GLCCI1: variants seen among roughly 807,000 people sequenced by gnomAD.
GLCCI1 encodes glucocorticoid induced 1.
Under a neutral mutation model 52.2 loss-of-function variants are expected in GLCCI1, and 24 were observed. That is an observed-to-expected ratio of 0.46 (90% CI 0.33 to 0.65). The LOEUF is 0.65. Among genes scored for constraint, GLCCI1 ranks in the 30% least tolerant of loss-of-function variants. The pLI, the probability that GLCCI1 is intolerant of heterozygous loss-of-function variation, is 0.02. For synonymous variants in GLCCI1, 310 were observed against 276.5 expected (o/e 1.12, Z -1.20); for missense variants, 704 against 701.5 (o/e 1.00, Z -0.04).
Position 8,085,028 on chromosome 7 carries a change from T to A in GLCCI1, c.1298+11T>A. On this transcript the variant is annotated intron_variant, in intron 7 of 7. Coordinates refer to ENST00000223145, the MANE Select transcript of GLCCI1 (RefSeq NM_138426.4). Reference sequence around the variant, plus strand: ...CTTTGAGGAAATGGCGTAAGTAATGTCTTTTTTGTCAGCTGGGATCTGCAA... The same window carrying A: ...CTTTGAGGAAATGGCGTAAGTAATGACTTTTTTGTCAGCTGGGATCTGCAA... 6.2e-7 allele frequency: 1 copy of A among 1,613,444 alleles called. No individual in the cohort carries two copies. Among genetic ancestry groups the A allele is most frequent in the Non-Finnish European group, 8.5e-7 (1 of 1,179,800 alleles).
intron 3 of GLCCI1, among the ~76,000 whole-genome samples, chr7:8,030,879 G>A (rs1781732951): frequency 6.6e-6 from 1 of 152,054 alleles, no homozygotes; most frequent in South Asian, 2.1e-4. Flanking sequence ...CAAAAGTCAG[G>A]CAATAACAGA....
In GLCCI1 at chr7:7,997,926, CAAATAAATAAATAAAT is replaced by C. The variant is rs55772533; in HGVS notation, c.458-5946_458-5931del. 7.3e-3 allele frequency among the ~76,000 whole-genome samples: 1,010 copies of C among 139,258 alleles called. 9 individuals carry two copies. The highest frequency in any genetic ancestry group is 0.013 in the South Asian group (55 of 4,148). The allele number at this position is 139,258 out of a possible 152,430, so 91.4% of individuals were successfully genotyped here. On this transcript the variant is annotated intron_variant, in intron 1 of 7. Coordinates refer to ENST00000223145, the MANE Select transcript of GLCCI1 (RefSeq NM_138426.4). ...TGGGTGACAGAGTGAGACTCTGTCT[CAAATAAATAAATAAAT>C]AAATAAATAAATAAATAAATAAATA...
chr7:8,008,123 G>A (rs73242054), intron 2 of GLCCI1, among the ~76,000 whole-genome samples: 12,451 of 151,940 alleles, frequency 0.082, 1,415 homozygotes, highest in African/African-American at 0.25. Flanking sequence ...CAATTTTCAA[G>A]TATACCATAT....
At chr7:8,078,598 T>A (rs949060256) in intron 6 of GLCCI1, 6 of 152,236 alleles carry the variant, frequency 3.9e-5, no homozygotes, top group African/African-American at 1.4e-4. Context: ...GCTCTATTTT[T>A]TCCTACATGT....
At chr7:8,025,818 GA>G (rs1266753564) in intron 3 of GLCCI1, among the ~76,000 whole-genome samples, 1 of 151,810 alleles carries the variant, frequency 6.6e-6, no homozygotes, top group Non-Finnish European at 1.5e-5. Context: ...AGTGCTGAAA[GA>G]AAAAAAACCA....
rs759778884 is a variant in GLCCI1 at position 8,086,433 on chromosome 7, G to A, written c.1539G>A (p.Ala513=). 2.2e-5 allele frequency: 35 copies of A among 1,613,926 alleles called. No homozygotes were observed. Among genetic ancestry groups the A allele is most frequent in the South Asian group, 8.8e-5 (8 of 91,072 alleles). The change falls in exon 8 of 8, where the codon GCG becomes GCA. Residue 513 remains alanine (A), a synonymous_variant. Coordinates refer to ENST00000223145, the MANE Select transcript of GLCCI1 (RefSeq NM_138426.4). The surrounding 1 kb of genome is among the most constrained non-coding windows in gnomAD (Gnocchi z 4.4). ...CTCTTTCTGATGACACCAGCACAGC[G>A]GGCTCCATGGAGGCCTCTGTCCAGC... The part of the protein sequence containing the change: ...FTSLSDDTST[A]GSMEASVQQP...
chr7:7,996,864 T>A (rs1482143042), intron 1 of GLCCI1, among the ~76,000 whole-genome samples: 1 of 152,210 alleles, frequency 6.6e-6, no homozygotes, highest in Non-Finnish European at 1.5e-5. Context: ...GGTTGATGAG[T>A]ATTTCAGATT....
intron 1 of GLCCI1, among the ~76,000 whole-genome samples, chr7:7,988,200 T>G (rs1014952871): frequency 2.0e-5 from 3 of 152,210 alleles, no homozygotes; most frequent in African/African-American, 7.2e-5. Flanking sequence ...TACAATAAGG[T>G]TTTTGTGGTT....
chr7:7,995,701 T>C (rs1780925113), intron 1 of GLCCI1, among the ~76,000 whole-genome samples: 1 of 151,858 alleles, frequency 6.6e-6, no homozygotes, highest in South Asian at 2.1e-4. Flanking sequence ...AATTGAACAG[T>C]GAGAACACCT....
chr7:8,006,081 C>G (rs545983356), intron 2 of GLCCI1, among the ~76,000 whole-genome samples: 1 of 152,106 alleles, frequency 6.6e-6, no homozygotes, highest in African/African-American at 2.4e-5. Context: ...TACAGGCATG[C>G]GCCACCACTC....
At chr7:8,015,695 G>T (rs1427102868) in intron 2 of GLCCI1, among the ~76,000 whole-genome samples, 3 of 152,110 alleles carry the variant, frequency 2.0e-5, no homozygotes, top group African/African-American at 7.2e-5. Flanking sequence ...TTATATTAAT[G>T]AAAGATTTTA....
At chr7:8,075,974 GA>G (rs113970886) in intron 6 of GLCCI1, among the ~76,000 whole-genome samples, 1 of 152,056 alleles carries the variant, frequency 6.6e-6, no homozygotes, top group Non-Finnish European at 1.5e-5. Context: ...GGTCTTAGGA[GA>G]AAAAAATCAA....
rs557612508 is a variant in GLCCI1, at chr7:7,972,756, ATAT to A, written c.457+2956_457+2958del. 3.2e-3 allele frequency among the ~76,000 whole-genome samples: 491 copies of A among 152,226 alleles called. 4 individuals carry two copies. The highest frequency in any genetic ancestry group is 0.011 in the African/African-American group (467 of 41,550). On this transcript the variant is annotated intron_variant, in intron 1 of 7. Transcript: ENST00000223145. ...CTATAAATAGGAATAGTCAATTTTA[ATAT>A]TATTATAATATTAATTTATACAACC...
At chr7:8,059,576 T>A (rs1434185773) in intron 4 of GLCCI1, among the ~76,000 whole-genome samples, 1 of 152,224 alleles carries the variant, frequency 6.6e-6, no homozygotes, top group Non-Finnish European at 1.5e-5. Flanking sequence ...GTTAAGTGAG[T>A]TGTTGAACTT....
chr7:8,022,153 A>G (rs1184379371), intron 2 of GLCCI1, among the ~76,000 whole-genome samples: 1 of 152,184 alleles, frequency 6.6e-6, no homozygotes, highest in Admixed American at 6.5e-5. Flanking sequence ...ATACCATTTC[A>G]TATTTAGTTT....
At chr7:8,010,900 T>C (rs1781250076) in intron 2 of GLCCI1, among the ~76,000 whole-genome samples, 1 of 150,570 alleles carries the variant, frequency 6.6e-6, no homozygotes, top group Non-Finnish European at 1.5e-5. Flanking sequence ...CATCTCTCCT[T>C]ATAACATATA....
At chr7:8,010,813 A>C (rs1335329043) in intron 2 of GLCCI1, among the ~76,000 whole-genome samples, 1 of 152,212 alleles carries the variant, frequency 6.6e-6, no homozygotes, top group Non-Finnish European at 1.5e-5. Context: ...TATATTGTTT[A>C]GACATATACA....
chr7:7,998,885 TG>T (rs1444428934), intron 1 of GLCCI1, among the ~76,000 whole-genome samples: 2 of 152,290 alleles, frequency 1.3e-5, no homozygotes, highest in East Asian at 3.9e-4. Flanking sequence ...TTGAATAGGT[TG>T]TTGCCCCCCA....
chr7:8,053,497 ATTTT>A (rs35685744), intron 3 of GLCCI1, among the ~76,000 whole-genome samples: 2 of 112,052 alleles, frequency 1.8e-5, no homozygotes, highest in Non-Finnish European at 1.9e-5. Context: ...TAATTTTTGT[ATTTT>A]TTTTTTTTTT....
Sources: allele counts gnomAD v4.1 joint callset (sites outside exome capture counted in the v4.1 genomes callset), GRCh38; gene constraint gnomAD v4.1.1; non-coding constraint Gnocchi (gnomAD v3.1); transcripts MANE v1.5; gene names NCBI Gene and HGNC (gene_info 2026-07-23, HGNC 2026-07-21).